LEMD1: variants seen among roughly 807,000 people sequenced by gnomAD.
LEMD1 encodes the protein LEM domain containing 1.
A neutral mutation model predicts 17.4 loss-of-function variants in LEMD1; 18 were observed. The observed-to-expected ratio is 1.04, with a 90% CI of 0.72 to 1.54. LEMD1 has a LOEUF of 1.54. LEMD1 is among the 40% of genes most tolerant of loss of function. The probability of loss-of-function intolerance (pLI) is 0.00; values close to 1 mark genes in which losing one functional copy is unlikely to be tolerated. For missense variants in LEMD1, 195 were observed against 210.4 expected (o/e 0.93, Z 0.45); for synonymous variants, 88 against 77.8 (o/e 1.13, Z -0.69).
intron 4 of LEMD1, among the ~76,000 whole-genome samples, chr1:205,399,143 A>G (rs112647155): frequency 3.3e-5 from 5 of 151,842 alleles, no homozygotes; most frequent in African/African-American, 1.2e-4. Flanking sequence ...CGAATCCAGG[A>G]GGTGGAGATT....
At chr1:205,404,956 T>G (rs1463021991) in intron 4 of LEMD1, among the ~76,000 whole-genome samples, 1 of 152,216 alleles carries the variant, frequency 6.6e-6, no homozygotes, top group Non-Finnish European at 1.5e-5. Flanking sequence ...CTCCTTCACT[T>G]ATGAAACTTA....
At chr1:205,421,649 A>T (rs1438900459) in intron 1 of LEMD1, among the ~76,000 whole-genome samples, 2 of 152,224 alleles carry the variant, frequency 1.3e-5, no homozygotes, top group African/African-American at 4.8e-5. Context: ...TACACATAGT[A>T]GGTACCTAGT....
chr1:205,435,920 T>G (rs1666197089), intron 1 of LEMD1: 1 of 152,256 alleles, frequency 6.6e-6, no homozygotes, highest in African/African-American at 2.4e-5. Context: ...CATCACTTTT[T>G]CCCATCCTCA....
intron 1 of LEMD1, among the ~76,000 whole-genome samples, chr1:205,447,578 G>A (rs552815869): frequency 8.5e-5 from 13 of 152,172 alleles, no homozygotes; most frequent in East Asian, 1.9e-4. Flanking sequence ...TTTAAAAGGG[G>A]GCAGGGGAAG....
At chr1:205,396,492 T>C (rs568267714) in intron 4 of LEMD1, among the ~76,000 whole-genome samples, 2 of 152,236 alleles carry the variant, frequency 1.3e-5, no homozygotes, top group Non-Finnish European at 2.9e-5. Flanking sequence ...CTGGGTCCTG[T>C]ACCACAAAGT....
chr1:205,428,041 G>A (rs1308575849), intron 1 of LEMD1, among the ~76,000 whole-genome samples: 1 of 152,222 alleles, frequency 6.6e-6, no homozygotes, highest in African/African-American at 2.4e-5. Context: ...ACTGGCAGAG[G>A]GCCAGACAGC....
intron 4 of LEMD1, among the ~76,000 whole-genome samples, chr1:205,388,389 G>A (rs1298965825): frequency 6.6e-6 from 1 of 152,040 alleles, no homozygotes; most frequent in Non-Finnish European, 1.5e-5. Context: ...TAGTAGAGAC[G>A]GGGTTTCACC....
chr1:205,419,650 G>C (rs1665867978), intron 2 of LEMD1, among the ~76,000 whole-genome samples: 1 of 152,172 alleles, frequency 6.6e-6, no homozygotes, highest in African/African-American at 2.4e-5. Flanking sequence ...TACTTTAGTA[G>C]AGACGAGGTT....
At chr1:205,428,602 A>C (rs1300701257) in intron 1 of LEMD1, among the ~76,000 whole-genome samples, 1 of 152,196 alleles carries the variant, frequency 6.6e-6, no homozygotes, top group African/African-American at 2.4e-5. Context: ...CTGATGTGAC[A>C]GGGAAAGGCT....
intron 4 of LEMD1, among the ~76,000 whole-genome samples, chr1:205,391,083 A>C (rs560814709): frequency 4.6e-4 from 70 of 152,346 alleles, no homozygotes; most frequent in African/African-American, 1.7e-3. Context: ...AAAGTAAATA[A>C]ATAATCCATT....
At chr1:205,432,567 G>C (rs111819727) in intron 1 of LEMD1, among the ~76,000 whole-genome samples, 1 of 152,352 alleles carries the variant, frequency 6.6e-6, no homozygotes, top group Non-Finnish European at 1.5e-5. Context: ...GAGAGGAGAG[G>C]AATTTGGGAA....
intron 1 of LEMD1, among the ~76,000 whole-genome samples, chr1:205,427,521 C>T (rs916322027): frequency 6.6e-6 from 1 of 150,458 alleles, no homozygotes; most frequent in Non-Finnish European, 1.5e-5. Flanking sequence ...GAGAGAGAGA[C>T]AGACAGAGCG....
chr1:205,400,777 C>A (rs144038476), intron 4 of LEMD1, among the ~76,000 whole-genome samples: 2 of 151,130 alleles, frequency 1.3e-5, no homozygotes, highest in African/African-American at 2.4e-5. Flanking sequence ...TATACATGTG[C>A]CATGCTGGTG....
rs1664123018 is a variant in LEMD1, at chr1:205,388,026, G to A, written c.271-3662C>T. ...GAACCCTGAGGCATGGAGCGTTTAA[G>A]TAGCTTGCCCATGCTTACACAGCTG... On this transcript the variant is annotated intron_variant, in intron 4 of 5. Coordinates refer to ENST00000367153, the MANE Select transcript of LEMD1 (RefSeq NM_001199050.2). Among the ~76,000 whole-genome samples the A allele has an allele frequency of 2.0e-5, 3 of 152,188 alleles. No individual in the cohort carries two copies. In the South Asian group the frequency reaches 6.2e-4, roughly 31 times the overall value.
At chr1:205,433,715 A>G (rs1178748287) in intron 1 of LEMD1, among the ~76,000 whole-genome samples, 2 of 152,212 alleles carry the variant, frequency 1.3e-5, no homozygotes, top group African/African-American at 4.8e-5. Flanking sequence ...TTGGGGTCAT[A>G]TCTGCCCCAG....
At chr1:205,421,846 T>C (rs1665972620) in intron 1 of LEMD1, 144 bp downstream of exon 1, 1 of 152,178 alleles carries the variant, frequency 6.6e-6, no homozygotes, top group East Asian at 1.9e-4. Flanking sequence ...AGAACAGCTG[T>C]CTGTTGTTTC....
chr1:205,435,080 T>C (rs537657511), intron 1 of LEMD1: 1 of 152,278 alleles, frequency 6.6e-6, no homozygotes, highest in East Asian at 1.9e-4. Flanking sequence ...CACGAGTCAG[T>C]TCAGCCGAGG....
intron 1 of LEMD1, among the ~76,000 whole-genome samples, chr1:205,442,624 C>T (rs891449199): frequency 2.0e-5 from 3 of 152,174 alleles, no homozygotes; most frequent in African/African-American, 7.2e-5. Context: ...TTTCCACTGG[C>T]CAGCTGGATG....
intron 1 of LEMD1, among the ~76,000 whole-genome samples, chr1:205,444,281 A>G (rs1456569404): frequency 1.3e-5 from 2 of 152,158 alleles, no homozygotes; most frequent in Non-Finnish European, 2.9e-5. Context: ...TCTGACTGCA[A>G]GCTGTTGGCC....
Sources: allele counts gnomAD v4.1 joint callset (sites outside exome capture counted in the v4.1 genomes callset), GRCh38; gene constraint gnomAD v4.1.1; transcripts MANE v1.5; gene names NCBI Gene and HGNC (gene_info 2026-07-23, HGNC 2026-07-21).